Variants in KIAA0825 observed in about 807,000 individuals in gnomAD.
KIAA0825 encodes the protein KIAA0825.
In KIAA0825, 119 loss-of-function variants were observed where a neutral mutation model predicts 147.6. That is an observed-to-expected ratio of 0.81 (90% CI 0.69 to 0.94). The LOEUF (loss-of-function observed/expected upper bound fraction) is 0.94. Among genes scored for constraint, KIAA0825 ranks in the 40% least tolerant of loss-of-function variants. The pLI, the probability that KIAA0825 is intolerant of heterozygous loss-of-function variation, is 0.00. For missense variants in KIAA0825, 1,381 were observed against 1,472.7 expected (o/e 0.94, Z 1.02); for synonymous variants, 470 against 518.1 (o/e 0.91, Z 1.26).
At chr5:94,251,443 G>A (rs541200409) in intron 20 of KIAA0825, among the ~76,000 whole-genome samples, 4 of 152,140 alleles carry the variant, frequency 2.6e-5, no homozygotes, top group Admixed American at 2.0e-4. Flanking sequence ...CAAGGTAGCC[G>A]CTTATCCCTA....
intron 2 of KIAA0825, among the ~76,000 whole-genome samples, chr5:94,537,576 A>C (rs923967196): frequency 3.8e-5 from 4 of 104,338 alleles, no homozygotes; most frequent in Admixed American, 3.4e-4. Context: ...GTGTGAACCC[A>C]GATGGAGCTT....
chr5:94,235,189 C>T (rs937655308), intron 20 of KIAA0825, among the ~76,000 whole-genome samples: 9 of 152,186 alleles, frequency 5.9e-5, no homozygotes, highest in African/African-American at 1.9e-4. Context: ...AAAAGCCAGG[C>T]CTCTTGCACC....
At chr5:94,577,054 T>C (rs1781185815) in intron 2 of KIAA0825, among the ~76,000 whole-genome samples, 1 of 152,256 alleles carries the variant, frequency 6.6e-6, no homozygotes, top group Non-Finnish European at 1.5e-5. Context: ...TACTTGCTCT[T>C]ACATTTTCTA....
intron 2 of KIAA0825, among the ~76,000 whole-genome samples, chr5:94,543,947 T>C (rs893570266): frequency 1.3e-5 from 2 of 152,206 alleles, no homozygotes; most frequent in African/African-American, 2.4e-5. Flanking sequence ...TAGCATATCA[T>C]CAAGAAATAA....
chr5:94,417,500 AC>A, intron 14 of KIAA0825, 135 bp from the exon 15 acceptor site: 1 of 655,332 alleles, frequency 1.5e-6, no homozygotes, highest in Non-Finnish European at 2.4e-6. Flanking sequence ...AAAGAGAATT[AC>A]CAGATTATTT....
chr5:94,412,274 C>T (rs977217557), intron 15 of KIAA0825, among the ~76,000 whole-genome samples: 1 of 152,202 alleles, frequency 6.6e-6, no homozygotes, highest in Admixed American at 6.5e-5. Flanking sequence ...CTACCTACCC[C>T]TTAGAATAAC....
At chr5:94,447,560 TA>T (rs1017081487) in intron 13 of KIAA0825, among the ~76,000 whole-genome samples, 2 of 152,132 alleles carry the variant, frequency 1.3e-5, no homozygotes, top group African/African-American at 2.4e-5. Flanking sequence ...GACTTTGTCT[TA>T]AATGTCATTG....
intron 2 of KIAA0825, among the ~76,000 whole-genome samples, chr5:94,547,176 A>C (rs1774571958): frequency 6.6e-6 from 1 of 152,058 alleles, no homozygotes; most frequent in South Asian, 2.1e-4. Flanking sequence ...GAGGAGACAA[A>C]AGAAAAAAGA....
intron 20 of KIAA0825, among the ~76,000 whole-genome samples, chr5:94,255,647 T>C (rs1776209597): frequency 6.6e-6 from 1 of 150,784 alleles, no homozygotes; most frequent in Non-Finnish European, 1.5e-5. Context: ...GCTTTTCTTA[T>C]GCCTGAGGTA....
At chr5:94,594,535 C>A (rs1584993726) in intron 1 of KIAA0825, 2 of 745,632 alleles carry the variant, frequency 2.7e-6, no homozygotes, top group Admixed American at 3.5e-5. Context: ...CCCTGGGAAT[C>A]AAATACTGAA....
At position 94,384,401 on chromosome 5, in the gene KIAA0825, T is replaced by C. The variant is rs1356683989; in HGVS notation, c.3677A>G (p.Asp1226Gly). The change falls in exon 20 of 21, where the codon GAT becomes GGT. Residue 1226 changes from aspartate (D) to glycine (G), a missense_variant. Coordinates refer to ENST00000682413, the MANE Select transcript of KIAA0825 (RefSeq NM_001145678.3). ...AKLLPNYLRL[D>G]KMTFSVLLKN... Reference sequence around the variant, plus strand: ...GAGCAGCACACTGAAGGTCATCTTATCCAGTCTCAGATAATTTGGCAGCAA... The same window carrying C: ...GAGCAGCACACTGAAGGTCATCTTACCCAGTCTCAGATAATTTGGCAGCAA... The C allele has an allele frequency of 1.9e-6, 3 of 1,551,976 alleles. No homozygotes were observed. The South Asian group carries it at 3.6e-5, about 18-fold the overall frequency.
At position 94,419,772 on chromosome 5, in the gene KIAA0825, G is replaced by A. The variant is rs570111372; in HGVS notation, c.2498-2407C>T. ...GACAGACAAGTAAATAATTATTACCGCAACATAAGGAAAAGGTGAGTGACC... is the reference window on the plus strand; with the variant it reads ...GACAGACAAGTAAATAATTATTACCACAACATAAGGAAAAGGTGAGTGACC... On this transcript the variant is annotated intron_variant, in intron 14 of 20. Coordinates refer to ENST00000682413, the MANE Select transcript of KIAA0825 (RefSeq NM_001145678.3). Among the ~76,000 whole-genome samples, 7 of 152,202 alleles carry A rather than the reference G, an allele frequency of 4.6e-5. No individual in the cohort carries two copies. The East Asian group carries it at 5.8e-4, about 13-fold the overall frequency.
chr5:94,569,597 G>T, intron 2 of KIAA0825: 2 of 395,540 alleles, frequency 5.1e-6, no homozygotes, highest in South Asian at 2.8e-4. Context: ...CTCATTTATT[G>T]ATCTCCCCAC....
At chr5:94,172,070 A>G (rs755319542) in intron 20 of KIAA0825, among the ~76,000 whole-genome samples, 1 of 152,226 alleles carries the variant, frequency 6.6e-6, no homozygotes, top group Non-Finnish European at 1.5e-5. Context: ...GTTAAAAGAC[A>G]TATAATAATA....
intron 5 of KIAA0825, among the ~76,000 whole-genome samples, chr5:94,507,873 T>C (rs190975074): frequency 1.6e-4 from 24 of 152,288 alleles, no homozygotes; most frequent in African/African-American, 5.8e-4. Flanking sequence ...ATTTCCAAAG[T>C]AGAACATGAA....
intron 1 of KIAA0825, among the ~76,000 whole-genome samples, chr5:94,614,840 T>A (rs1329787935): frequency 6.6e-6 from 1 of 152,200 alleles, no homozygotes; most frequent in East Asian, 1.9e-4. Flanking sequence ...TTCTTCACCT[T>A]TGTCTAATTT....
chr5:94,322,508 ACT>A (rs1780287803), intron 20 of KIAA0825, among the ~76,000 whole-genome samples: 1 of 151,848 alleles, frequency 6.6e-6, no homozygotes, highest in African/African-American at 2.4e-5. Flanking sequence ...ATTGTTCAAC[ACT>A]CTGCATTCTA....
intron 2 of KIAA0825, among the ~76,000 whole-genome samples, chr5:94,543,705 A>G (rs1362703993): frequency 6.6e-6 from 1 of 152,168 alleles, no homozygotes; most frequent in Non-Finnish European, 1.5e-5. Flanking sequence ...GCTAAGGGTT[A>G]AAATAGCTTT....
In KIAA0825 at chr5:94,524,042, A is replaced by G. The variant is rs1247209001; in HGVS notation, c.188T>C (p.Val63Ala). 6.2e-7 allele frequency: 1 copy of G among 1,610,048 alleles called. No homozygotes were observed. Among genetic ancestry groups the G allele is most frequent in the South Asian group, 1.1e-5 (1 of 90,786 alleles). ...QSEINKQCPG[V>A]QLQTTTDCFE... is the part of the protein sequence containing the mutation. ...GCAGTCAGTTGTTGTTTGCAGCTGC[A>G]CACCTGGACATTGTTTGTTAATTTC... The change falls in exon 4 of 21, where the codon GTG (valine) becomes GCG (alanine). Residue 63 changes from valine to alanine, a missense_variant. Coordinates refer to ENST00000682413, the MANE Select transcript of KIAA0825 (RefSeq NM_001145678.3).
Sources: gnomAD v4.1 joint callset for allele counts (sites outside exome capture counted in the v4.1 genomes callset) on GRCh38, gnomAD v4.1.1 for gene constraint, MANE v1.5 for transcripts, NCBI Gene and HGNC (gene_info 2026-07-23, HGNC 2026-07-21) for gene names.